The following WDR4 variants were observed in gnomAD, a reference collection of about 807,000 sequenced individuals.
WDR4 encodes the protein WDR4 tRNA N7-guanosine methyltransferase non-catalytic subunit.
A neutral mutation model predicts 48.6 loss-of-function variants in WDR4; 47 were observed. The observed-to-expected ratio is 0.97, with a 90% CI of 0.77 to 1.23. The LOEUF (loss-of-function observed/expected upper bound fraction) is 1.23, where lower values mean the gene tolerates loss of function less well. Ranked by LOEUF, WDR4 falls within the 50% of genes most tolerant of loss-of-function variation. The probability of loss-of-function intolerance (pLI) is 0.00; values close to 1 mark genes in which losing one functional copy is unlikely to be tolerated. For missense variants in WDR4, 606 were observed against 551.6 expected (o/e 1.10, Z -0.99); for synonymous variants, 268 against 230.0 (o/e 1.17, Z -1.49).
chr21:42,872,705 C>A (rs2058400000), intron 3 of WDR4, among the ~76,000 whole-genome samples: 1 of 151,778 alleles, frequency 6.6e-6, no homozygotes, highest in Non-Finnish European at 1.5e-5. Flanking sequence ...GAGGCCGAGG[C>A]CAGCGGATCA....
At chr21:42,857,633 T>C (rs1474753114) in intron 6 of WDR4, among the ~76,000 whole-genome samples, 1 of 151,658 alleles carries the variant, frequency 6.6e-6, no homozygotes, top group African/African-American at 2.4e-5. Flanking sequence ...CGAGAATGGG[T>C]GGCTGCAAAA....
chr21:42,865,864 G>A (rs540314272), intron 3 of WDR4, among the ~76,000 whole-genome samples: 6 of 152,042 alleles, frequency 3.9e-5, no homozygotes, highest in Admixed American at 1.3e-4. Flanking sequence ...GCCAGGAGTC[G>A]AGTGGCTGAG....
chr21:42,879,617 T>C (rs1242935970), upstream of WDR4: 12 of 1,250,462 alleles, frequency 9.6e-6, no homozygotes, highest in African/African-American at 1.5e-5. Context: ...CCGCGCATGC[T>C]CAAGGACGAG....
intron 2 of WDR4, among the ~76,000 whole-genome samples, chr21:42,875,624 C>T (rs7278601): frequency 0.6 from 91,416 of 152,026 alleles, 28,256 homozygotes; most frequent in African/African-American, 0.72. Flanking sequence ...GGGAGATCAC[C>T]TGAACCCAGG....
chr21:42,881,141 T>C (rs1171637149), upstream of WDR4, among the ~76,000 whole-genome samples: 1 of 152,160 alleles, frequency 6.6e-6, no homozygotes, highest in Non-Finnish European at 1.5e-5. Context: ...CTCCTGACCT[T>C]GTGATCCGCC....
chr21:42,855,666 G>A lies in WDR4; in HGVS notation c.726+16C>T. ...TACAAGCACTCAGTCGCCCAGGAGT[G>A]AACAGAAGCAGCTACCTGGGGGGCC... is the stretch of plus-strand genomic sequence containing the variant. On this transcript the variant is annotated intron_variant, in intron 7 of 10. Coordinates refer to ENST00000398208, the MANE Select transcript of WDR4 (RefSeq NM_018669.6). 1 of 1,540,736 alleles carries A rather than the reference G, an allele frequency of 6.5e-7. No individual in the cohort carries two copies. The highest frequency in any genetic ancestry group is 8.8e-7 in the Non-Finnish European group (1 of 1,138,902).
At chr21:42,867,988 C>T (rs1178395000) in intron 3 of WDR4, among the ~76,000 whole-genome samples, 2 of 152,114 alleles carry the variant, frequency 1.3e-5, no homozygotes, top group Non-Finnish European at 2.9e-5. Context: ...ATGAAGAGGC[C>T]CCCCACCCGC....
In WDR4 at chr21:42,876,765, T is replaced by A; in HGVS notation, c.92A>T (p.Asp31Val). 3 of 1,609,858 alleles carry A rather than the reference T, an allele frequency of 1.9e-6. No individual in the cohort carries two copies. The South Asian group carries it at 3.3e-5, about 18-fold the overall frequency. Residue 31 changes from aspartate to valine, a missense_variant and splice_region_variant, in exon 2 of 11, where the codon GAT (aspartate) becomes GTT (valine). By Grantham distance (152) the Asp-to-Val change is radical. Coordinates refer to ENST00000398208, the MANE Select transcript of WDR4 (RefSeq NM_018669.6). ...GTCATAGATGAAGAGGCTGTCATCA[T>A]CACTAAAGAGAAATAACAATAATTT... ...RFLATSIASS[D>V]DDSLFIYDCS...
In WDR4 at chr21:42,864,000, G is replaced by A. The variant is rs62219108; in HGVS notation, c.297-404C>T. Among the ~76,000 whole-genome samples, 8 of 82,050 alleles carry A rather than the reference G, an allele frequency of 9.8e-5. 3 individuals carry two copies. The South Asian group carries it at 2.1e-3, about 21-fold the overall frequency. The allele number at this position is 82,050 out of a possible 152,430, so 53.8% of individuals were successfully genotyped here. ...CGGGCGCCTGTAGTCCCAGCTACTCGGGAGGCTGAGGCGGGAGAATGGCGT... is the reference window on the plus strand; with the variant it reads ...CGGGCGCCTGTAGTCCCAGCTACTCAGGAGGCTGAGGCGGGAGAATGGCGT... On this transcript the variant is annotated intron_variant, in intron 3 of 10. Transcript: ENST00000398208.
chr21:42,879,566 C>T (rs2058586636), upstream of WDR4: 9 of 1,569,316 alleles, frequency 5.7e-6, no homozygotes, highest in South Asian at 1.0e-4. Flanking sequence ...CGGTCGGTGA[C>T]GCCAGGCGCA....
In WDR4 at chr21:42,863,360, C is replaced by T. The variant is rs2058162440; in HGVS notation, c.453+80G>A. Reference sequence around the variant, plus strand: ...CTTGACAGGGTAGACATTGACTCAGCGTATGCCCCACGTGCCACGTCCCCC... The same window carrying T: ...CTTGACAGGGTAGACATTGACTCAGTGTATGCCCCACGTGCCACGTCCCCC... On this transcript the variant is annotated intron_variant, in intron 4 of 10. Transcript: ENST00000398208. The T allele has an allele frequency of 2.5e-5, 38 of 1,514,030 alleles. 1 individual carries two copies. The South Asian group carries it at 2.5e-4, about 10-fold the overall frequency. The allele number at this position is 1,514,030 out of a possible 1,614,324, so 93.8% of individuals were successfully genotyped here. A position where few individuals can be genotyped will look rare whatever the true frequency, so the allele number is the denominator to read the frequency against.
downstream of WDR4, among the ~76,000 whole-genome samples, chr21:42,848,277 G>C (rs1486222255): frequency 6.6e-6 from 1 of 152,156 alleles, no homozygotes; most frequent in Non-Finnish European, 1.5e-5. Context: ...CATTGCAGAA[G>C]CCTCTTCCCA....
chr21:42,863,603 G>A lies in WDR4; in HGVS notation c.297-7C>T, dbSNP rs1333068964. ...ACACCTCCTTGCCACGGTCCTAGAA[G>A]GCCAGAAAGACACCCCCATTAGCTT... is the stretch of plus-strand genomic sequence containing the variant. On this transcript the variant is annotated splice_region_variant and splice_polypyrimidine_tract_variant and intron_variant, in intron 3 of 10. Transcript: ENST00000398208. The A allele has an allele frequency of 1.2e-6, 2 of 1,610,238 alleles. No homozygotes were observed. The highest frequency in any genetic ancestry group is 3.4e-5 in the Admixed American group (2 of 59,550).
At chr21:42,872,955 G>A (rs1381270327) in intron 3 of WDR4, among the ~76,000 whole-genome samples, 1 of 152,092 alleles carries the variant, frequency 6.6e-6, no homozygotes, top group African/African-American at 2.4e-5. Flanking sequence ...TAAAAAAGGA[G>A]GAATAGGGAA....
chr21:42,858,198 G>C (rs1305944827), intron 6 of WDR4, among the ~76,000 whole-genome samples: 1 of 152,208 alleles, frequency 6.6e-6, no homozygotes. Context: ...GTAAGAAAAT[G>C]CCCCAGGTCG....
At chr21:42,871,007 C>G (rs905640993) in intron 3 of WDR4, among the ~76,000 whole-genome samples, 9 of 152,176 alleles carry the variant, frequency 5.9e-5, no homozygotes, top group Admixed American at 5.2e-4. Flanking sequence ...CAGAATGTAA[C>G]TGTATTTGGA....
intron 6 of WDR4, among the ~76,000 whole-genome samples, chr21:42,857,383 A>G (rs560579221): frequency 6.6e-6 from 1 of 152,088 alleles, no homozygotes; most frequent in East Asian, 1.9e-4. Context: ...CTGCCCACAG[A>G]CACCTGCTCT....
At chr21:42,859,578 G>A (rs1280107534) in intron 6 of WDR4, 84 bp downstream of exon 6, 6 of 1,374,700 alleles carry the variant, frequency 4.4e-6, no homozygotes, top group East Asian at 5.1e-5. Flanking sequence ...GCGATCCACA[G>A]GGGCCAGGTC....
the WDR4 span, among the ~76,000 whole-genome samples, chr21:42,887,167 T>C: frequency 1.3e-5 from 2 of 152,068 alleles, no homozygotes; most frequent in Non-Finnish European, 2.9e-5. Context: ...TAATTTTGTA[T>C]TTTTAGTAGA....
Sources: allele counts gnomAD v4.1 joint callset (sites outside exome capture counted in the v4.1 genomes callset), GRCh38; gene constraint gnomAD v4.1.1; transcripts MANE v1.5; gene names NCBI Gene and HGNC (gene_info 2026-07-23, HGNC 2026-07-21).